The following TUBAL3 variants were observed in gnomAD, a reference collection of about 807,000 sequenced individuals.
TUBAL3 encodes tubulin alpha like 3.
In TUBAL3, 16 loss-of-function variants were observed where a neutral mutation model predicts 15.5. That is an observed-to-expected ratio of 1.04 (90% CI 0.70 to 1.57). The LOEUF is 1.57. Among genes scored for constraint, TUBAL3 ranks in the 40% most tolerant of loss-of-function variants. The pLI, the probability that TUBAL3 is intolerant of heterozygous loss-of-function variation, is 0.00. For missense variants in TUBAL3, 609 were observed against 576.2 expected (o/e 1.06, Z -0.58); for synonymous variants, 238 against 224.3 (o/e 1.06, Z -0.55).
In TUBAL3 at chr10:5,394,241, T is replaced by C. The variant is rs782519938; in HGVS notation, c.617A>G (p.Asp206Gly). ...CTCGTTGTCCACCATGAAGGTACAG[T>C]CCGTGTGCTCTGTGGTGGAGTGGGT... ...LTTHSTTEHTDCTFMVDNEAV... is the reference protein window; with the variant it reads ...LTTHSTTEHTGCTFMVDNEAV... The change falls in exon 4 of 4, where the codon GAC (aspartate) becomes GGC (glycine). Residue 206 changes from aspartate to glycine, a missense_variant. Coordinates refer to ENST00000380419, the MANE Select transcript of TUBAL3 (RefSeq NM_024803.3). The surrounding 1 kb of genome is among the most constrained non-coding windows in gnomAD (Gnocchi z 4.3). 1 of 1,614,136 alleles carries C rather than the reference T, an allele frequency of 6.2e-7. No homozygotes were observed. Among genetic ancestry groups the C allele is most frequent in the Non-Finnish European group, 8.5e-7 (1 of 1,180,024 alleles).
intron 2 of TUBAL3, 27 bp downstream of exon 2, chr10:5,400,817 T>C (rs536814127): frequency 6.2e-7 from 1 of 1,612,942 alleles, no homozygotes; most frequent in South Asian, 1.1e-5. Flanking sequence ...TCCAGTTAAG[T>C]ATGCTAGAAT....
rs1180815928 is a variant in TUBAL3 at position 5,395,216 on chromosome 10, G to C, written c.396+111C>G. The C allele has an allele frequency of 5.0e-6, 6 of 1,207,392 alleles. No homozygotes were observed. The African/African-American group carries it at 7.8e-5, about 16-fold the overall frequency. 74.8% of individuals were successfully genotyped at this position (1,207,392 alleles called of 1,614,324 possible). ...TTCTGAGCACCCAGACCAGAGCCCA[G>C]GGAGAGACGGTTGGTGGCGATGGTG... is the stretch of plus-strand genomic sequence containing the variant. On this transcript the variant is annotated intron_variant, in intron 3 of 3. Transcript: ENST00000380419. This position sits in a 1 kb window ranked among gnomAD's most constrained non-coding sequence, Gnocchi z 4.6.
chr10:5,403,021 A>C (rs1831879838), intron 1 of TUBAL3, among the ~76,000 whole-genome samples: 1 of 152,218 alleles, frequency 6.6e-6, no homozygotes, highest in African/African-American at 2.4e-5. Flanking sequence ...CAATGGCATC[A>C]AACCTTTGTA....
chr10:5,404,458 A>T (rs1467497486), intron 1 of TUBAL3, among the ~76,000 whole-genome samples: 2 of 152,216 alleles, frequency 1.3e-5, no homozygotes, highest in Non-Finnish European at 2.9e-5. Context: ...GAAGCAATGA[A>T]TATCTACAGA....
In TUBAL3 at chr10:5,393,861, T is replaced by C; in HGVS notation, c.997A>G (p.Lys333Glu). 6.2e-7 allele frequency: 1 copy of C among 1,614,186 alleles called. No homozygotes were observed. ...CLLYRGDVVP[K>E]EVNAAIAATK... is the part of the protein sequence containing the mutation. Reference sequence around the variant, plus strand: ...GCTGCGATTGCTGCATTCACTTCCTTGGGGACCACATCCCCTCTATAGAGT... The same window carrying C: ...GCTGCGATTGCTGCATTCACTTCCTCGGGGACCACATCCCCTCTATAGAGT... The change falls in exon 4 of 4, where the codon AAG becomes GAG. Residue 333 changes from lysine to glutamate, a missense_variant. Lys to Glu is a moderately conservative substitution (Grantham distance 56). Transcript: ENST00000380419.
intron 1 of TUBAL3, 36 bp downstream of exon 1, chr10:5,404,754 T>C: frequency 6.2e-7 from 1 of 1,612,046 alleles, no homozygotes; most frequent in South Asian, 1.1e-5. Flanking sequence ...ATTAGTAAAA[T>C]TTCCTACAAC....
rs1831861233 is a variant in TUBAL3 at position 5,401,990 on chromosome 10, A to T, written c.4-903T>A. Reference sequence around the variant, plus strand: ...AACCCTTAAACGTTTTCCCAAAAAAAAAAGATTTATGACATGGGAAATGCT... The same window carrying T: ...AACCCTTAAACGTTTTCCCAAAAAATAAAGATTTATGACATGGGAAATGCT... On this transcript the variant is annotated intron_variant, in intron 1 of 3. Transcript: ENST00000380419. 3.9e-5 allele frequency among the ~76,000 whole-genome samples: 6 copies of T among 152,332 alleles called. No homozygotes were observed. In the South Asian group the frequency reaches 1.2e-3, roughly 32 times the overall value.
rs1391538396 is a variant in TUBAL3 at position 5,396,245 on chromosome 10, CACCTGTAATCCCAGCACTTTGGGAGGCTG to C, written c.248-799_248-771del. Among the ~76,000 whole-genome samples, 88 of 152,300 alleles carry C rather than the reference CACCTGTAATCCCAGCACTTTGGGAGGCTG, an allele frequency of 5.8e-4. No individual in the cohort carries two copies. Among genetic ancestry groups the C allele is most frequent in the Middle Eastern group, 6.8e-3 (2 of 294 alleles). ...GGCATATCCAGGGCACAGTGGCTCA[CACCTGTAATCCCAGCACTTTGGGAGGCTG>C]AGGCAGGTGGATCACTTGAGGTCAG... is the stretch of plus-strand genomic sequence containing the variant. On this transcript the variant is annotated intron_variant, in intron 2 of 3. Coordinates refer to ENST00000380419, the MANE Select transcript of TUBAL3 (RefSeq NM_024803.3). The surrounding 1 kb of genome is among the most constrained non-coding windows in gnomAD (Gnocchi z 5.1).
rs1485019047 is a variant in TUBAL3, at chr10:5,395,798, AC to A, written c.248-324del. Among the ~76,000 whole-genome samples, 7 of 152,304 alleles carry A rather than the reference AC, an allele frequency of 4.6e-5. No homozygotes were observed. In the East Asian group the frequency reaches 5.8e-4, roughly 13 times the overall value. ...AACAGCTCCAGAGGCTGGAAGTCTA[AC>A]ATCAAGGCGTTGGTAGGCTTGGTTC... On this transcript the variant is annotated intron_variant, in intron 2 of 3. Transcript: ENST00000380419. The surrounding 1 kb of genome is among the most constrained non-coding windows in gnomAD (Gnocchi z 4.6).
intron 1 of TUBAL3, among the ~76,000 whole-genome samples, chr10:5,404,271 G>A (rs1831899339): frequency 6.6e-6 from 1 of 152,144 alleles, no homozygotes; most frequent in African/African-American, 2.4e-5. Context: ...ATCTGAAAAG[G>A]TCATCCCAAA....
intron 2 of TUBAL3, among the ~76,000 whole-genome samples, chr10:5,400,005 C>T (rs1472727769): frequency 3.9e-5 from 6 of 152,196 alleles, no homozygotes; most frequent in African/African-American, 1.4e-4. Flanking sequence ...CACTGTCTAG[C>T]TTTTCTCTTA....
Position 5,400,889 on chromosome 10 carries a change from G to C in TUBAL3, c.202C>G (p.His68Asp). Residue 68 changes from histidine to aspartate, a missense_variant, in exon 2 of 4, where the codon CAT (histidine) becomes GAT (aspartate). His to Asp is a moderately conservative substitution (Grantham distance 81). Coordinates refer to ENST00000380419, the MANE Select transcript of TUBAL3 (RefSeq NM_024803.3). The part of the protein sequence containing the change: ...TFFCETRAGK[H>D]VPRALFVDLE... ...TCCACGAAGAGTGCTCTAGGCACAT[G>C]CTTCCCAGCTCTTGTCTCACAGAAG... 1 of 1,614,240 alleles carries C rather than the reference G, an allele frequency of 6.2e-7. No homozygotes were observed. The highest frequency in any genetic ancestry group is 8.5e-7 in the Non-Finnish European group (1 of 1,180,038).
chr10:5,393,887 A>T lies in TUBAL3; in HGVS notation c.971T>A (p.Leu324Gln), dbSNP rs1831717640. 1 of 1,614,222 alleles carries T rather than the reference A, an allele frequency of 6.2e-7. No individual in the cohort carries two copies. Among genetic ancestry groups the T allele is most frequent in the Non-Finnish European group, 8.5e-7 (1 of 1,180,040 alleles). Residue 324 changes from leucine to glutamine, a missense_variant, in exon 4 of 4, where the codon CTA becomes CAA. By Grantham distance (113) the Leu-to-Gln change is moderately radical. Coordinates refer to ENST00000380419, the MANE Select transcript of TUBAL3 (RefSeq NM_024803.3). ...GGGGACCACATCCCCTCTATAGAGT[A>T]GGCAGCAGGCCATGTACTTCCCAAG... ...PRLGKYMACC[L>Q]LYRGDVVPKE...
rs1554813904 is a variant in TUBAL3, at chr10:5,394,448, C to T, written c.410G>A (p.Gly137Asp). ...ERTRKLAEQC[G>D]GLQGFLIFRS... ...GAAAATCAAAAATCCCTGAAGTCCA[C>T]CACACTGTTCTGCCTGGAGAAAGTA... The change falls in exon 4 of 4, where the codon GGT becomes GAT. Residue 137 changes from glycine (G) to aspartate (D), a missense_variant. By Grantham distance (94) the Gly-to-Asp change is moderately conservative. Coordinates refer to ENST00000380419, the MANE Select transcript of TUBAL3 (RefSeq NM_024803.3). The surrounding 1 kb of genome is among the most constrained non-coding windows in gnomAD (Gnocchi z 4.3). 6.2e-7 allele frequency: 1 copy of T among 1,605,856 alleles called. No individual in the cohort carries two copies. Among genetic ancestry groups the T allele is most frequent in the South Asian group, 1.1e-5 (1 of 89,494 alleles).
chr10:5,401,083 T>A lies in TUBAL3; in HGVS notation c.8A>T (p.Glu3Val). 1 of 1,614,034 alleles carries A rather than the reference T, an allele frequency of 6.2e-7. No individual in the cohort carries two copies. The highest frequency in any genetic ancestry group is 8.5e-7 in the Non-Finnish European group (1 of 1,180,010). MR[E>V]CLSIHIGQAG... ...TTGACCGATGTGGATGGAAAGGCAC[T>A]CCCTCTAAAATAAGTCATGGTGAGT... The change falls in exon 2 of 4, where the codon GAG becomes GTG. Residue 3 changes from glutamate (E) to valine (V), a missense_variant. Coordinates refer to ENST00000380419, the MANE Select transcript of TUBAL3 (RefSeq NM_024803.3).
chr10:5,394,076 T>C lies in TUBAL3; in HGVS notation c.782A>G (p.Glu261Gly). The C allele has an allele frequency of 6.2e-7, 1 of 1,614,124 alleles. No individual in the cohort carries two copies. Among genetic ancestry groups the C allele is most frequent in the Non-Finnish European group, 8.5e-7 (1 of 1,180,022 alleles). ...ATAAGGTACCAGGTTGGTCTGGAAT[T>C]CAATTAGGTCTACATTCAAGGGCCC... Reference protein sequence around the residue: ...FEGPLNVDLIEFQTNLVPYPR... With the variant: ...FEGPLNVDLIGFQTNLVPYPR... The change falls in exon 4 of 4, where the codon GAA becomes GGA. Residue 261 changes from glutamate (E) to glycine (G), a missense_variant. Transcript: ENST00000380419. The surrounding 1 kb of genome is among the most constrained non-coding windows in gnomAD (Gnocchi z 4.3).
chr10:5,401,226 A>G, intron 1 of TUBAL3, 139 bp from the exon 2 acceptor site: 3 of 1,088,420 alleles, frequency 2.8e-6, no homozygotes, highest in Non-Finnish European at 3.9e-6. Context: ...GATAATCAAA[A>G]GCGTTTCATG....
rs782375509 is a variant in TUBAL3 at position 5,393,504 on chromosome 10, C to T, written c.*13G>A. ...TTTTAACTTGACATTCATTTGCACC[C>T]ATCATACATGCCTCAGAAACTTTGC... On this transcript the variant is annotated 3_prime_UTR_variant, in exon 4 of 4. Transcript: ENST00000380419. The T allele has an allele frequency of 2.7e-5, 43 of 1,581,994 alleles. No individual in the cohort carries two copies. Among genetic ancestry groups the T allele is most frequent in the Admixed American group, 3.5e-5 (2 of 56,948 alleles).
chr10:5,397,661 A>G lies in TUBAL3; in HGVS notation c.248-2186T>C, dbSNP rs915885560. 6.6e-6 allele frequency among the ~76,000 whole-genome samples: 1 copy of G among 152,116 alleles called. No homozygotes were observed. The highest frequency in any genetic ancestry group is 2.4e-5 in the African/African-American group (1 of 41,414). ...CTACCCAGCATGGTGCCCTTAATCA[A>G]TATCCTCAGAGACATCAATGGCTTT... On this transcript the variant is annotated intron_variant, in intron 2 of 3. Coordinates refer to ENST00000380419, the MANE Select transcript of TUBAL3 (RefSeq NM_024803.3). The surrounding 1 kb of genome is among the most constrained non-coding windows in gnomAD (Gnocchi z 4.9).
Sources: gnomAD v4.1 joint callset for allele counts (sites outside exome capture counted in the v4.1 genomes callset) on GRCh38, gnomAD v4.1.1 for gene constraint, Gnocchi (gnomAD v3.1) non-coding constraint, MANE v1.5 for transcripts, NCBI Gene and HGNC (gene_info 2026-07-23, HGNC 2026-07-21) for gene names.